PFKFB3: variants seen among roughly 807,000 people sequenced by gnomAD.
The protein encoded by PFKFB3 is 6-phosphofructo-2-kinase/fructose-2,6-bisphosphatase 3.
In PFKFB3, 33 loss-of-function variants were observed where a neutral mutation model predicts 68.0. That is an observed-to-expected ratio of 0.49 (90% CI 0.37 to 0.65). The LOEUF (loss-of-function observed/expected upper bound fraction) is 0.65. Among genes scored for constraint, PFKFB3 ranks in the 30% least tolerant of loss-of-function variants. PFKFB3 has a pLI of 0.00. For synonymous variants in PFKFB3, 315 were observed against 288.2 expected, an observed-to-expected ratio of 1.09 and a Z score of -0.94; for missense variants, 586 against 712.2, an observed-to-expected ratio of 0.82 and a Z score of 2.02.
intron 1 of PFKFB3, among the ~76,000 whole-genome samples, chr10:6,168,919 C>T (rs796770739): frequency 1.1e-4 from 16 of 152,266 alleles, no homozygotes; most frequent in African/African-American, 3.6e-4. Context: ...ATGCCTCTCC[C>T]GTCTGCCCCC....
At chr10:6,223,006 C>T (rs1219347731) in intron 11 of PFKFB3, 22 bp downstream of exon 11, 4 of 1,607,418 alleles carry the variant, frequency 2.5e-6, no homozygotes, top group Non-Finnish European at 3.4e-6. Context: ...AGGTCGTGGC[C>T]CCGGGATGGA....
intron 1 of PFKFB3, chr10:6,146,340 G>A (rs983215734): frequency 6.5e-7 from 1 of 1,530,490 alleles, no homozygotes; most frequent in Non-Finnish European, 8.7e-7. Context: ...GCGGTGAAGG[G>A]GGTGGCTGCT....
the PFKFB3 span, among the ~76,000 whole-genome samples, chr10:6,308,487 G>A: frequency 1.3e-5 from 2 of 152,182 alleles, no homozygotes; most frequent in Non-Finnish European, 2.9e-5. Context: ...CTGCACTCCA[G>A]CCTGGGTGAC....
intron 1 of PFKFB3, among the ~76,000 whole-genome samples, chr10:6,181,269 T>C (rs1445918960): frequency 6.6e-6 from 1 of 152,174 alleles, no homozygotes; most frequent in Non-Finnish European, 1.5e-5. Context: ...GATCCTCTAG[T>C]CTCAGCCTCA....
Position 6,228,814 on chromosome 10 carries a change from G to A in PFKFB3, c.1515+2449G>A, listed in dbSNP as rs541504147. Among the ~76,000 whole-genome samples, 28 of 152,290 alleles carry A rather than the reference G, an allele frequency of 1.8e-4. No homozygotes were observed. Among genetic ancestry groups the A allele is most frequent in the South Asian group, 4.1e-4 (2 of 4,822 alleles). On this transcript the variant is annotated intron_variant, in intron 14 of 14. Coordinates refer to ENST00000379775, the MANE Select transcript of PFKFB3 (RefSeq NM_004566.4). This position sits in a 1 kb window ranked among gnomAD's most constrained non-coding sequence, Gnocchi z 4.5. ...TGTCCTGGGTTGGAGCCTGCTCAGCGTCATAGTCACGCCCGGGGCTGGGTG... is the reference window on the plus strand; with the variant it reads ...TGTCCTGGGTTGGAGCCTGCTCAGCATCATAGTCACGCCCGGGGCTGGGTG...
intron 1 of PFKFB3, among the ~76,000 whole-genome samples, chr10:6,171,100 T>G (rs915856078): frequency 4.6e-5 from 7 of 152,158 alleles, no homozygotes; most frequent in African/African-American, 1.7e-4. Flanking sequence ...GGTGCAATGG[T>G]GCAATGGCGT....
At chr10:6,305,945 C>T in the PFKFB3 span, among the ~76,000 whole-genome samples, 1 of 152,180 alleles carries the variant, frequency 6.6e-6, no homozygotes, top group South Asian at 2.1e-4. Context: ...TTCCCCTTCT[C>T]CCCAGAGTGC....
intron 1 of PFKFB3, among the ~76,000 whole-genome samples, chr10:6,195,164 G>A (rs774531666): frequency 3.7e-4 from 56 of 152,240 alleles, no homozygotes; most frequent in Non-Finnish European, 1.6e-4. Context: ...GAGCCACTGC[G>A]CTCGCCTCCT....
chr10:6,223,979 G>A lies in PFKFB3; in HGVS notation c.1235G>A (p.Cys412Tyr). 6.2e-7 allele frequency: 1 copy of A among 1,614,118 alleles called. No homozygotes were observed. The highest frequency in any genetic ancestry group is 8.5e-7 in the Non-Finnish European group (1 of 1,179,966). ...TCAGAGGAGATGCCCTACCTGAAATGCCCTCTTCACACCGTCCTGAAACTG... is the reference window on the plus strand; with the variant it reads ...TCAGAGGAGATGCCCTACCTGAAATACCCTCTTCACACCGTCCTGAAACTG... ...KSAEEMPYLK[C>Y]PLHTVLKLTP... Residue 412 changes from cysteine to tyrosine, a missense_variant, in exon 12 of 15, where the codon TGC becomes TAC. Coordinates refer to ENST00000379775, the MANE Select transcript of PFKFB3 (RefSeq NM_004566.4).
intron 1 of PFKFB3, among the ~76,000 whole-genome samples, chr10:6,168,714 T>C (rs1842211154): frequency 6.6e-6 from 1 of 152,126 alleles, no homozygotes; most frequent in Non-Finnish European, 1.5e-5. Context: ...GATGGGGTGG[T>C]CTGCACAGCA....
At chr10:6,255,729 C>T (rs553491911), downstream of PFKFB3, among the ~76,000 whole-genome samples, 75 of 152,258 alleles carry the variant, frequency 4.9e-4, no homozygotes, top group South Asian at 3.9e-3. Context: ...CAACAGCAGT[C>T]GGCTGGGGAA....
At chr10:6,177,476 C>CTTTCTTTCTTTCTTTCTTTCTT (rs1458409795) in intron 1 of PFKFB3, among the ~76,000 whole-genome samples, 1 of 118,894 alleles carries the variant, frequency 8.4e-6, no homozygotes, top group Non-Finnish European at 1.8e-5. Flanking sequence ...TTCTTTCTTT[C>CTTTCTTTCTTTCTTTCTTTCTT]TTTCTTTCTT....
chr10:6,180,531 C>G (rs1250979813), intron 1 of PFKFB3, among the ~76,000 whole-genome samples: 9 of 152,164 alleles, frequency 5.9e-5, no homozygotes, highest in African/African-American at 2.2e-4. Flanking sequence ...GTGGCTCAGC[C>G]GTGGCTCACT....
At chr10:6,146,214 TG>T in intron 1 of PFKFB3, 1 of 1,427,724 alleles carries the variant, frequency 7.0e-7, no homozygotes, top group Non-Finnish European at 9.2e-7. Context: ...CCCACCCATC[TG>T]CCTCTCTTCT....
intron 14 of PFKFB3, among the ~76,000 whole-genome samples, chr10:6,253,477 G>A (rs1846425496): frequency 6.6e-6 from 1 of 152,100 alleles, no homozygotes; most frequent in Non-Finnish European, 1.5e-5. Flanking sequence ...CCTTGGCTAA[G>A]GTCAATGGCC....
the PFKFB3 span, among the ~76,000 whole-genome samples, chr10:6,267,657 C>G: frequency 6.6e-6 from 1 of 151,984 alleles, no homozygotes; most frequent in Admixed American, 6.6e-5. Context: ...AACATCAGTT[C>G]AAAGATCAAA....
the PFKFB3 span, chr10:6,277,719 TG>T: frequency 2.5e-6 from 1 of 401,078 alleles, no homozygotes; most frequent in Non-Finnish European, 5.0e-6. Flanking sequence ...CCCTAGAAGC[TG>T]AGCAGATGCC....
At chr10:6,176,750 C>T (rs1302752888) in intron 1 of PFKFB3, among the ~76,000 whole-genome samples, 1 of 152,152 alleles carries the variant, frequency 6.6e-6, no homozygotes, top group Non-Finnish European at 1.5e-5. Context: ...GACATGGGCC[C>T]TCCCTAGTCC....
intron 1 of PFKFB3, among the ~76,000 whole-genome samples, chr10:6,145,743 A>C (rs1321928405): frequency 6.6e-6 from 1 of 152,076 alleles, no homozygotes; most frequent in African/African-American, 2.4e-5. Flanking sequence ...CCAGAAAAGC[A>C]AACTCAGGCC....
Sources: gnomAD v4.1 joint callset for allele counts (sites outside exome capture counted in the v4.1 genomes callset) on GRCh38, gnomAD v4.1.1 for gene constraint, Gnocchi (gnomAD v3.1) non-coding constraint, MANE v1.5 for transcripts, NCBI Gene and HGNC (gene_info 2026-07-23, HGNC 2026-07-21) for gene names.